Variants in TTC39A observed in about 807,000 individuals in gnomAD.
The protein encoded by TTC39A is tetratricopeptide repeat protein 39A.
Under a neutral mutation model 82.3 loss-of-function variants are expected in TTC39A, and 46 were observed. The observed-to-expected ratio is 0.56, with a 90% CI of 0.44 to 0.71. The LOEUF (loss-of-function observed/expected upper bound fraction) is 0.71, where lower values mean the gene tolerates loss of function less well. TTC39A is among the 30% of genes least tolerant of loss of function. The pLI is 0.00. For missense variants in TTC39A, 543 were observed against 712.9 expected, an observed-to-expected ratio of 0.76 and a Z score of 2.71; for synonymous variants, 254 against 275.2, an observed-to-expected ratio of 0.92 and a Z score of 0.76.
intron 8 of TTC39A, among the ~76,000 whole-genome samples, 195 bp downstream of exon 8, chr1:51,304,886 A>T (rs761533355): frequency 3.3e-5 from 5 of 152,204 alleles, no homozygotes; most frequent in Non-Finnish European, 5.9e-5. Context: ...AGGGCCAGGC[A>T]GGGATCACTA....
chr1:51,320,871 G>GT (rs770160259), intron 2 of TTC39A, among the ~76,000 whole-genome samples: 7,500 of 126,694 alleles, frequency 0.059, 527 homozygotes, highest in African/African-American at 0.13. Context: ...ATGTTTTCTG[G>GT]TTTTTTTTTT....
intron 1 of TTC39A, among the ~76,000 whole-genome samples, chr1:51,326,444 AG>A (rs1207626951): frequency 1.3e-5 from 2 of 152,184 alleles, no homozygotes; most frequent in Non-Finnish European, 2.9e-5. Flanking sequence ...AGCTAAATGG[AG>A]GGGTGAGGCT....
chr1:51,307,542 T>A (rs1209177653), intron 6 of TTC39A, among the ~76,000 whole-genome samples: 1 of 152,084 alleles, frequency 6.6e-6, no homozygotes, highest in Non-Finnish European at 1.5e-5. Flanking sequence ...GAGACCAGCC[T>A]GGCCAATGTG....
rs536262663 is a variant in TTC39A, at chr1:51,321,121, G to A, written c.146+600C>T. 4.3e-4 allele frequency among the ~76,000 whole-genome samples: 66 copies of A among 152,118 alleles called. No individual in the cohort carries two copies. Among genetic ancestry groups the A allele is most frequent in the African/African-American group, 1.3e-3 (56 of 41,486 alleles). On this transcript the variant is annotated intron_variant, in intron 2 of 17. Coordinates refer to ENST00000680483, the MANE Select transcript of TTC39A (RefSeq NM_001297663.2). This position sits in a 1 kb window ranked among gnomAD's most constrained non-coding sequence, Gnocchi z 4.6. ...ACTTCTGACCTCAAGTGATCCACCC[G>A]CCTTGGCCTCCCAAAGTGCTGGGAT...
intron 2 of TTC39A, among the ~76,000 whole-genome samples, chr1:51,313,682 C>T (rs1645173692): frequency 6.6e-6 from 1 of 152,174 alleles, no homozygotes; most frequent in African/African-American, 2.4e-5. Flanking sequence ...AGGCCTTTGC[C>T]CAGCCTGTTC....
In TTC39A at chr1:51,291,289, G is replaced by A. The variant is rs191157860; in HGVS notation, c.1267-664C>T. ...GTGGATCACCTGAGGTCAGGAGTTC[G>A]AGACTAGCCTGGCCAACATGGTGAA... On this transcript the variant is annotated intron_variant, in intron 14 of 17. Transcript: ENST00000680483. Among the ~76,000 whole-genome samples the A allele has an allele frequency of 3.9e-5, 6 of 151,922 alleles. No individual in the cohort carries two copies. In the East Asian group the frequency reaches 9.7e-4, roughly 25 times the overall value.
rs150295317 is a variant in TTC39A at position 51,291,513 on chromosome 1, G to A, written c.1267-888C>T. On this transcript the variant is annotated intron_variant, in intron 14 of 17. Coordinates refer to ENST00000680483, the MANE Select transcript of TTC39A (RefSeq NM_001297663.2). ...AAAAAAAAGTCTTGGGGCCAGGTATGGTGGCTCACACCTGTAATCCCAGCA... is the reference window on the plus strand; with the variant it reads ...AAAAAAAAGTCTTGGGGCCAGGTATAGTGGCTCACACCTGTAATCCCAGCA... 6.5e-3 allele frequency among the ~76,000 whole-genome samples: 937 copies of A among 144,340 alleles called. 11 individuals are homozygous for A. The highest frequency in any genetic ancestry group is 0.023 in the African/African-American group (880 of 38,844). The allele number at this position is 144,340 out of a possible 152,430, so 94.7% of individuals were successfully genotyped here.
In TTC39A at chr1:51,287,582, T is replaced by TGTGA. The variant is rs999186147; in HGVS notation, c.*571_*574dup. On this transcript the variant is annotated 3_prime_UTR_variant, in exon 18 of 18. Coordinates refer to ENST00000680483, the MANE Select transcript of TTC39A (RefSeq NM_001297663.2). Reference sequence around the variant, plus strand: ...AATTTACAAAAGGAGTGAAATGAAGTGTGAGTAGTAAGGTAGTGGGTGTCT... The same window carrying TGTGA: ...AATTTACAAAAGGAGTGAAATGAAGTGTGAGTGAGTAGTAAGGTAGTGGGTGTCT... 6.6e-6 allele frequency: 1 copy of TGTGA among 152,258 alleles called. No individual in the cohort carries two copies. The highest frequency in any genetic ancestry group is 1.5e-5 in the Non-Finnish European group (1 of 68,084). The allele number at this position is 152,258 out of a possible 1,614,324, so 9.4% of individuals were successfully genotyped here.
In TTC39A at chr1:51,340,818, C is replaced by T. The variant is rs80304207; in HGVS notation, c.53+4173G>A. Among the ~76,000 whole-genome samples, 5 of 152,260 alleles carry T rather than the reference C, an allele frequency of 3.3e-5. No homozygotes were observed. In the East Asian group the frequency reaches 5.8e-4, roughly 18 times the overall value. ...TTTTACAGATGAGGAAACTGAGGCA[C>T]GAGAAGCTAAACAGCCTGTCCAAAG... On this transcript the variant is annotated intron_variant, in intron 1 of 5. Coordinates refer to the TTC39A transcript ENST00000401051.
chr1:51,336,403 C>G (rs1017699856), intron 1 of TTC39A, among the ~76,000 whole-genome samples: 1 of 152,042 alleles, frequency 6.6e-6, no homozygotes, highest in African/African-American at 2.4e-5. Flanking sequence ...GAAATTTGGG[C>G]CAAGAACTCA....
intron 5 of TTC39A, 26 bp downstream of exon 5, chr1:51,311,228 C>T (rs1006888025): frequency 3.2e-6 from 5 of 1,558,846 alleles, no homozygotes; most frequent in Non-Finnish European, 4.3e-6. Context: ...AAATCCCAGC[C>T]TCTTTGTACA....
At chr1:51,330,851 T>G, upstream of TTC39A, 2 of 532,312 alleles carry the variant, frequency 3.8e-6, no homozygotes, top group Non-Finnish European at 6.7e-6. The surrounding 1 kb of genome is among the most constrained non-coding windows in gnomAD (Gnocchi z 4.5). Flanking sequence ...TCCACTTTAC[T>G]GTCACTTCTC....
intron 12 of TTC39A, chr1:51,298,616 A>G (rs965647210): frequency 6.6e-6 from 1 of 152,334 alleles, no homozygotes; most frequent in Non-Finnish European, 1.5e-5. Flanking sequence ...ATGCTGGGAC[A>G]AAAGAGCAGC....
chr1:51,312,471 G>T (rs1645121529), intron 3 of TTC39A, among the ~76,000 whole-genome samples: 1 of 152,146 alleles, frequency 6.6e-6, no homozygotes, highest in Non-Finnish European at 1.5e-5. Flanking sequence ...CCCGCTTCCT[G>T]GCCAGGTGAT....
intron 5 of TTC39A, chr1:51,309,574 G>T: frequency 1.4e-6 from 1 of 703,772 alleles, no homozygotes; most frequent in Non-Finnish European, 2.1e-6. Context: ...GCCACGCCCA[G>T]TGATTAACAG....
At position 51,330,079 on chromosome 1, in the gene TTC39A, TCA is replaced by T. The variant is rs945569745; in HGVS notation, c.41+356_41+357del. Reference sequence around the variant, plus strand: ...TGACAAGTCACTTAAGTGCTGTGTCTCAGTTTCCTCATCTGTAATGGGGATGA... The same window carrying T: ...TGACAAGTCACTTAAGTGCTGTGTCTGTTTCCTCATCTGTAATGGGGATGA... On this transcript the variant is annotated intron_variant, in intron 1 of 17. Coordinates refer to ENST00000680483, the MANE Select transcript of TTC39A (RefSeq NM_001297663.2). This position sits in a 1 kb window ranked among gnomAD's most constrained non-coding sequence, Gnocchi z 4.5. 1 of 944,494 alleles carries T rather than the reference TCA, an allele frequency of 1.1e-6. No individual in the cohort carries two copies. Among genetic ancestry groups the T allele is most frequent in the Non-Finnish European group, 1.3e-6 (1 of 792,690 alleles). 58.5% of individuals were successfully genotyped at this position (944,494 alleles called of 1,614,324 possible).
At chr1:51,317,718 C>T (rs1174117403) in intron 2 of TTC39A, among the ~76,000 whole-genome samples, 1 of 152,204 alleles carries the variant, frequency 6.6e-6, no homozygotes, top group Non-Finnish European at 1.5e-5. Context: ...CCATTGCACT[C>T]CAGCCTGAGC....
rs371028501 is a variant in TTC39A at position 51,305,169 on chromosome 1, G to C, written c.589-23C>G. Reference sequence around the variant, plus strand: ...TGTCTGCAAGAAAGGAGGCAATCAAGCCTGTGAAGGTACCCAGAGTGGGCA... The same window carrying C: ...TGTCTGCAAGAAAGGAGGCAATCAACCCTGTGAAGGTACCCAGAGTGGGCA... On this transcript the variant is annotated intron_variant, in intron 7 of 17. Coordinates refer to ENST00000680483, the MANE Select transcript of TTC39A (RefSeq NM_001297663.2). 13 of 1,612,292 alleles carry C rather than the reference G, an allele frequency of 8.1e-6. No individual in the cohort carries two copies. In the African/African-American group the frequency reaches 1.5e-4, roughly 18 times the overall value.
chr1:51,310,023 G>A (rs183122658), intron 5 of TTC39A, among the ~76,000 whole-genome samples: 54 of 152,250 alleles, frequency 3.5e-4, no homozygotes, highest in Admixed American at 2.2e-3. Flanking sequence ...AAAAAATAGA[G>A]TAGGGCCAAG....
Sources: gnomAD v4.1 joint callset for allele counts (sites outside exome capture counted in the v4.1 genomes callset) on GRCh38, gnomAD v4.1.1 for gene constraint, Gnocchi (gnomAD v3.1) non-coding constraint, MANE v1.5 for transcripts, NCBI Gene and HGNC (gene_info 2026-07-23, HGNC 2026-07-21) for gene names.